Variants in TTC6 observed in about 807,000 individuals in gnomAD.
TTC6 encodes tetratricopeptide repeat protein 6.
In TTC6, 172 loss-of-function variants were observed where a neutral mutation model predicts 210.4. The observed-to-expected ratio is 0.82, with a 90% confidence interval of 0.72 to 0.93. TTC6 has a LOEUF of 0.93. TTC6 is among the 40% of genes least tolerant of loss of function. The pLI is 0.00. For synonymous variants in TTC6, 804 were observed against 819.6 expected (o/e 0.98, Z 0.32); for missense variants, 2,414 against 2,318.1 (o/e 1.04, Z -0.85).
intron 29 of TTC6, among the ~76,000 whole-genome samples, chr14:37,840,548 A>AC: frequency 6.6e-6 from 1 of 152,282 alleles, no homozygotes; most frequent in East Asian, 1.9e-4. Flanking sequence ...ACAAAAAAAA[A>AC]AGAAATTTTT....
chr14:37,752,316 C>G (rs988605559), intron 13 of TTC6, among the ~76,000 whole-genome samples: 1 of 151,874 alleles, frequency 6.6e-6, no homozygotes, highest in Non-Finnish European at 1.5e-5. Context: ...ATTTATGAAT[C>G]CATGACATCC....
chr14:37,648,888 T>A (rs1286477951), intron 1 of TTC6, among the ~76,000 whole-genome samples: 2 of 152,168 alleles, frequency 1.3e-5, no homozygotes, highest in African/African-American at 2.4e-5. Context: ...CTTGGCCTTT[T>A]GATTTTATAG....
chr14:37,742,584 A>ATTTT (rs35369139), intron 10 of TTC6, among the ~76,000 whole-genome samples: 13 of 145,944 alleles, frequency 8.9e-5, no homozygotes, highest in South Asian at 4.3e-4. Context: ...TAATTTTTGC[A>ATTTT]TTTTTTTTTT....
rs1180782185 is a variant in TTC6 at position 37,714,836 on chromosome 14, A to T, written c.1713+40A>T. The T allele has an allele frequency of 4.0e-6, 6 of 1,515,256 alleles. No individual in the cohort carries two copies. In the Admixed American group the frequency reaches 6.4e-5, roughly 16 times the overall value. The allele number at this position is 1,515,256 out of a possible 1,614,324, so 93.9% of individuals were successfully genotyped here. On this transcript the variant is annotated intron_variant, in intron 6 of 30. Coordinates refer to ENST00000553443, the Ensembl canonical transcript of TTC6. ...TAATATTAGTTTTTTTGTACCTCACAGGTCCTCAAACTTTTTGGCTTCAGG... is the reference window on the plus strand; with the variant it reads ...TAATATTAGTTTTTTTGTACCTCACTGGTCCTCAAACTTTTTGGCTTCAGG...
chr14:37,622,037 GCTTA>G, upstream of TTC6: 1 of 1,463,964 alleles, frequency 6.8e-7, no homozygotes, highest in Non-Finnish European at 9.1e-7. Context: ...TGTTTTGGGG[GCTTA>G]CTTTACAGGT....
rs572894839 is a variant in TTC6, at chr14:37,841,229, C to G, written c.5299-216C>G. On this transcript the variant is annotated intron_variant, in intron 29 of 30. Transcript: ENST00000553443. ...ATATCGTTGACATTGTCTAGAATTG[C>G]TGACACATGGTAATAACAAAAAGCA... 5.9e-5 allele frequency among the ~76,000 whole-genome samples: 9 copies of G among 152,236 alleles called. No homozygotes were observed. The East Asian group carries it at 1.7e-3, about 29-fold the overall frequency.
chr14:37,620,446 C>T (rs1221168945), upstream of TTC6, among the ~76,000 whole-genome samples: 5 of 152,084 alleles, frequency 3.3e-5, no homozygotes, highest in Admixed American at 1.3e-4. Context: ...TGAAATGCTC[C>T]TCTTGGTGTG....
chr14:37,714,727 A>G, exon 6 of TTC6: 1 of 1,535,760 alleles, frequency 6.5e-7, no homozygotes, highest in Non-Finnish European at 8.7e-7. Context: ...CGCAAGGGAT[A>G]CCACCTGAAT....
chr14:37,751,055 G>T (rs1192782943), exon 13 of TTC6: 1 of 1,514,628 alleles, frequency 6.6e-7, no homozygotes. Flanking sequence ...TTCTTTAGAG[G>T]CATATTTGTC....
chr14:37,823,729 A>G lies in TTC6; in HGVS notation c.4764-18A>G. 6.2e-7 allele frequency: 1 copy of G among 1,606,410 alleles called. No individual in the cohort carries two copies. The highest frequency in any genetic ancestry group is 8.5e-7 in the Non-Finnish European group (1 of 1,174,082). On this transcript the variant is annotated intron_variant, in intron 26 of 30. Transcript: ENST00000553443. The stretch of plus-strand genomic sequence containing the variant: ...CATCAGTTCACCAGAAGGCATCAAT[A>G]TTTTTATTTATTTGCAGAATTAATG...
chr14:37,655,417 G>T (rs750942491), intron 1 of TTC6, among the ~76,000 whole-genome samples: 2 of 151,968 alleles, frequency 1.3e-5, no homozygotes, highest in African/African-American at 2.4e-5. Flanking sequence ...TTTCTGTATT[G>T]CTACTTTGCT....
intron 6 of TTC6, 113 bp from the exon 9 acceptor site, chr14:37,724,785 G>A (rs951440090): frequency 9.2e-6 from 5 of 543,356 alleles, no homozygotes; most frequent in Non-Finnish European, 1.2e-5. Context: ...ATTTTCAGAA[G>A]CTGTGGAACC....
intron 14 of TTC6, among the ~76,000 whole-genome samples, chr14:37,781,784 A>G (rs1295203841): frequency 6.6e-6 from 1 of 152,172 alleles, no homozygotes; most frequent in Non-Finnish European, 1.5e-5. Context: ...TCTTTAATCC[A>G]TCTTGAGTTA....
rs12587981 is a variant in TTC6, at chr14:37,661,245, C to G, written c.940-18906C>G. On this transcript the variant is annotated intron_variant, in intron 1 of 30. Coordinates refer to ENST00000553443, the Ensembl canonical transcript of TTC6. ...GTTGCAATTGCTTTTCATGTCTTTG[C>G]CATACAATCTTTGCCCATGCCTATG... Among the ~76,000 whole-genome samples, 31 of 152,148 alleles carry G rather than the reference C, an allele frequency of 2.0e-4. No individual in the cohort carries two copies. The East Asian group carries it at 5.6e-3, about 28-fold the overall frequency.
At chr14:37,770,785 A>G in intron 14 of TTC6, among the ~76,000 whole-genome samples, 1 of 145,006 alleles carries the variant, frequency 6.9e-6, no homozygotes. Context: ...TTTTAATTGG[A>G]GCATTTAGTC....
chr14:37,721,965 T>A (rs2095862929), intron 6 of TTC6, among the ~76,000 whole-genome samples: 1 of 149,572 alleles, frequency 6.7e-6, no homozygotes, highest in Non-Finnish European at 1.5e-5. Flanking sequence ...GTGCAAATGT[T>A]AACATAGTGA....
intron 29 of TTC6, among the ~76,000 whole-genome samples, chr14:37,832,194 T>C (rs2096186924): frequency 6.6e-6 from 1 of 151,992 alleles, no homozygotes; most frequent in Admixed American, 6.6e-5. Flanking sequence ...TTTGGGTCTT[T>C]TCTCTCATTT....
At chr14:37,682,636 A>T in intron 2 of TTC6, 122 bp from the exon 5 acceptor site, 1 of 795,940 alleles carries the variant, frequency 1.3e-6, no homozygotes, top group Non-Finnish European at 1.9e-6. Flanking sequence ...CTCATCACCT[A>T]TGCTTAGTTT....
intron 6 of TTC6, among the ~76,000 whole-genome samples, chr14:37,717,544 G>T (rs900408105): frequency 6.6e-6 from 1 of 152,064 alleles, no homozygotes; most frequent in Non-Finnish European, 1.5e-5. Flanking sequence ...TAAGGAAATT[G>T]AATTATTGAT....
Sources: allele counts gnomAD v4.1 joint callset (sites outside exome capture counted in the v4.1 genomes callset), GRCh38; gene constraint gnomAD v4.1.1; transcripts MANE v1.5; gene names NCBI Gene and HGNC (gene_info 2026-07-23, HGNC 2026-07-21).